EPHB1: variants seen among roughly 807,000 people sequenced by gnomAD.
The protein encoded by EPHB1 is EPH receptor B1.
EPHB1 carries 30 observed loss-of-function variants against 94.4 expected under a neutral mutation model. That is an observed-to-expected ratio of 0.32 (90% CI 0.24 to 0.43). The LOEUF is 0.43. Among genes scored for constraint, EPHB1 ranks in the 20% least tolerant of loss-of-function variants. The pLI is 1.00. For missense variants in EPHB1, 1,055 were observed against 1,308.3 expected (o/e 0.81, Z 2.99); for synonymous variants, 522 against 489.1 (o/e 1.07, Z -0.89).
At chr3:135,006,260 A>C (rs568300521) in intron 3 of EPHB1, among the ~76,000 whole-genome samples, 1 of 152,226 alleles carries the variant, frequency 6.6e-6, no homozygotes. Context: ...GTATGATTCC[A>C]CTTATATGGG....
chr3:134,829,627 T>G lies in EPHB1; in HGVS notation c.58+33938T>G, dbSNP rs7616584. On this transcript the variant is annotated intron_variant, in intron 1 of 15. Coordinates refer to ENST00000398015, the MANE Select transcript of EPHB1 (RefSeq NM_004441.5). Reference sequence around the variant, plus strand: ...ACAAACAACTCCAGTATATTCTTATTAAATATTGACTTGTGTCCCCCTAAA... The same window carrying G: ...ACAAACAACTCCAGTATATTCTTATGAAATATTGACTTGTGTCCCCCTAAA... Among the ~76,000 whole-genome samples, 452 of 152,288 alleles carry G rather than the reference T, an allele frequency of 3.0e-3. 2 individuals are homozygous for G. Among genetic ancestry groups the G allele is most frequent in the African/African-American group, 0.011 (438 of 41,554 alleles).
chr3:134,837,710 A>G (rs989528733), intron 1 of EPHB1, among the ~76,000 whole-genome samples: 21 of 152,260 alleles, frequency 1.4e-4, no homozygotes, highest in African/African-American at 5.1e-4. Context: ...GAAGTCCAAA[A>G]GAATGCTCTG....
intron 1 of EPHB1, among the ~76,000 whole-genome samples, chr3:134,899,614 C>A (rs187673156): frequency 4.6e-5 from 7 of 152,312 alleles, no homozygotes; most frequent in Admixed American, 1.3e-4. Flanking sequence ...TTATTTTCAA[C>A]CACTCAAAAC....
At chr3:134,847,022 A>G (rs369184088) in intron 1 of EPHB1, among the ~76,000 whole-genome samples, 2 of 151,958 alleles carry the variant, frequency 1.3e-5, no homozygotes, top group South Asian at 2.1e-4. Context: ...TGTTTCCTCC[A>G]TTTCCCTAAG....
At chr3:134,963,758 G>A (rs1049146455) in intron 3 of EPHB1, among the ~76,000 whole-genome samples, 6 of 152,182 alleles carry the variant, frequency 3.9e-5, no homozygotes, top group African/African-American at 1.4e-4. Flanking sequence ...GCCAAGATTT[G>A]TAATTTTTGA....
intron 3 of EPHB1, among the ~76,000 whole-genome samples, chr3:135,020,421 C>A (rs1935951709): frequency 6.6e-6 from 1 of 152,184 alleles, no homozygotes; most frequent in South Asian, 2.1e-4. Flanking sequence ...CAGCCACTCC[C>A]CATTTCACTT....
chr3:134,897,336 G>C (rs940988645), intron 1 of EPHB1, among the ~76,000 whole-genome samples: 4 of 152,000 alleles, frequency 2.6e-5, no homozygotes, highest in African/African-American at 9.7e-5. Context: ...TGGGTCAGGG[G>C]TGAGGGAGGG....
At chr3:134,963,340 T>C (rs1245492384) in intron 3 of EPHB1, among the ~76,000 whole-genome samples, 4 of 152,184 alleles carry the variant, frequency 2.6e-5, no homozygotes, top group Non-Finnish European at 5.9e-5. Flanking sequence ...AAACAGCTGA[T>C]ATTTGAAAAG....
intron 2 of EPHB1, among the ~76,000 whole-genome samples, chr3:134,926,705 C>A (rs1377448217): frequency 1.3e-5 from 2 of 152,138 alleles, no homozygotes; most frequent in Admixed American, 6.5e-5. Flanking sequence ...GACTGCCATG[C>A]TGAGCAGGGA....
At chr3:134,860,149 G>GGACACACACACACACACACA (rs1553858659) in intron 1 of EPHB1, among the ~76,000 whole-genome samples, 17 of 65,432 alleles carry the variant, frequency 2.6e-4, no homozygotes, top group African/African-American at 5.6e-4. Flanking sequence ...GAGAAGGAAG[G>GGACACACACACACACACACA]GACACACACA....
intron 12 of EPHB1, among the ~76,000 whole-genome samples, chr3:135,217,476 G>GA (rs1279051102): frequency 1.4e-5 from 2 of 146,712 alleles, no homozygotes; most frequent in African/African-American, 5.0e-5. Flanking sequence ...ACGCACACGG[G>GA]GAGAGAGAGA....
At chr3:135,103,540 A>G (rs867293054) in intron 3 of EPHB1, among the ~76,000 whole-genome samples, 4 of 152,298 alleles carry the variant, frequency 2.6e-5, no homozygotes, top group South Asian at 2.1e-4. Context: ...TTCATATTTG[A>G]GTTTATTAAT....
intron 12 of EPHB1, among the ~76,000 whole-genome samples, chr3:135,214,525 C>T (rs1286365479): frequency 2.0e-5 from 3 of 152,180 alleles, no homozygotes; most frequent in Non-Finnish European, 4.4e-5. Context: ...TGGAGGAAGC[C>T]AGGCCTGTCA....
chr3:135,075,034 G>A (rs932344788), intron 3 of EPHB1, among the ~76,000 whole-genome samples: 1 of 152,162 alleles, frequency 6.6e-6, no homozygotes, highest in Non-Finnish European at 1.5e-5. Context: ...GTGGGAGCAG[G>A]AGGTGCCAAC....
At chr3:135,059,855 T>C (rs957422629) in intron 3 of EPHB1, among the ~76,000 whole-genome samples, 1 of 152,136 alleles carries the variant, frequency 6.6e-6, no homozygotes, top group African/African-American at 2.4e-5. Context: ...CCATGGCCCG[T>C]TTGGGCCTCA....
chr3:134,934,239 G>T (rs1560303695), intron 2 of EPHB1, among the ~76,000 whole-genome samples: 1 of 152,184 alleles, frequency 6.6e-6, no homozygotes, highest in African/African-American at 2.4e-5. Context: ...AACACCCGAG[G>T]CACTTAAAAC....
chr3:134,882,535 G>A (rs781479066), intron 1 of EPHB1, among the ~76,000 whole-genome samples: 7 of 152,170 alleles, frequency 4.6e-5, no homozygotes, highest in Non-Finnish European at 1.0e-4. Context: ...CAATTATGAA[G>A]CATCAGCGTC....
intron 3 of EPHB1, among the ~76,000 whole-genome samples, chr3:135,095,563 G>T (rs1472628360): frequency 6.6e-6 from 1 of 152,110 alleles, no homozygotes; most frequent in Non-Finnish European, 1.5e-5. Flanking sequence ...CCAATTTCAA[G>T]CCTATCAAGT....
intron 11 of EPHB1, among the ~76,000 whole-genome samples, chr3:135,195,803 G>A (rs6762563): frequency 0.025 from 2,869 of 114,264 alleles, 59 homozygotes; most frequent in African/African-American, 0.089. Flanking sequence ...ATACGTGTGC[G>A]TGTGTCTTTA....
Sources: gnomAD v4.1 joint callset for allele counts (sites outside exome capture counted in the v4.1 genomes callset) on GRCh38, gnomAD v4.1.1 for gene constraint, MANE v1.5 for transcripts, NCBI Gene and HGNC (gene_info 2026-07-23, HGNC 2026-07-21) for gene names.